The following TOM1L2 variants were observed in gnomAD, a reference collection of about 807,000 sequenced individuals.
TOM1L2 encodes the protein TOM1-like protein 2.
Under a neutral mutation model 67.9 loss-of-function variants are expected in TOM1L2, and 31 were observed. The observed-to-expected ratio is 0.46, with a 90% CI of 0.34 to 0.62. TOM1L2 has a LOEUF of 0.62. Ranked by LOEUF, TOM1L2 falls within the 20% of genes least tolerant of loss-of-function variation. The probability of loss-of-function intolerance (pLI) is 0.01; values close to 1 mark genes in which losing one functional copy is unlikely to be tolerated. For synonymous variants in TOM1L2, 256 were observed against 254.0 expected (o/e 1.01, Z -0.07); for missense variants, 606 against 663.5 (o/e 0.91, Z 0.95).
chr17:17,957,512 G>A (rs2041508660), intron 1 of TOM1L2, among the ~76,000 whole-genome samples: 1 of 152,046 alleles, frequency 6.6e-6, no homozygotes, highest in Non-Finnish European at 1.5e-5. Flanking sequence ...GATGGGGTAA[G>A]GTGACAACAT....
In TOM1L2 at chr17:17,866,434, G is replaced by A. The variant is rs370444624; in HGVS notation, c.961-15C>T. ...TCATTCAGTACCTGTCAGAACATGA[G>A]ATTGGCCATAAGCCCCAGAACCCTG... On this transcript the variant is annotated splice_polypyrimidine_tract_variant and intron_variant, in intron 9 of 14. Coordinates refer to ENST00000379504, the MANE Select transcript of TOM1L2 (RefSeq NM_001082968.2). 4.0e-5 allele frequency: 63 copies of A among 1,583,670 alleles called. No individual in the cohort carries two copies. The highest frequency in any genetic ancestry group is 5.1e-5 in the Non-Finnish European group (59 of 1,162,622).
At chr17:17,945,535 C>G (rs1377150248) in intron 1 of TOM1L2, among the ~76,000 whole-genome samples, 4 of 152,200 alleles carry the variant, frequency 2.6e-5, no homozygotes, top group African/African-American at 9.7e-5. Context: ...TAGACCCTCT[C>G]TTAGGGAGAC....
intron 4 of TOM1L2, among the ~76,000 whole-genome samples, chr17:17,888,745 G>A (rs2038118853): frequency 6.6e-6 from 1 of 152,204 alleles, no homozygotes; most frequent in East Asian, 1.9e-4. Flanking sequence ...TGACCACACT[G>A]AGGTGACTCT....
At chr17:17,900,573 G>A (rs1360855415) in intron 2 of TOM1L2, among the ~76,000 whole-genome samples, 1 of 150,392 alleles carries the variant, frequency 6.6e-6, no homozygotes, top group African/African-American at 2.4e-5. Flanking sequence ...TAAGGAGCAA[G>A]GCTACTAGAA....
chr17:17,952,269 T>C (rs966916526), intron 1 of TOM1L2, among the ~76,000 whole-genome samples: 1 of 151,904 alleles, frequency 6.6e-6, no homozygotes, highest in Admixed American at 6.5e-5. Flanking sequence ...CAAAAGAAAC[T>C]TCATGGAACA....
chr17:17,958,152 C>A (rs191390196), intron 1 of TOM1L2, among the ~76,000 whole-genome samples: 1 of 151,974 alleles, frequency 6.6e-6, no homozygotes, highest in Admixed American at 6.5e-5. Flanking sequence ...AGCTTTAGGT[C>A]TGAAATGAAC....
chr17:17,953,738 A>G (rs1598401372), intron 1 of TOM1L2, among the ~76,000 whole-genome samples: 1 of 152,240 alleles, frequency 6.6e-6, no homozygotes, highest in Non-Finnish European at 1.5e-5. Context: ...CTGGGTTTCA[A>G]TCCTGTTGGT....
At chr17:17,873,531 AGAG>A (rs1196894873) in intron 7 of TOM1L2, among the ~76,000 whole-genome samples, 2 of 152,334 alleles carry the variant, frequency 1.3e-5, no homozygotes, top group East Asian at 1.9e-4. Flanking sequence ...CACTGGATTT[AGAG>A]GAGAACCAAA....
rs775982045 is a variant in TOM1L2, at chr17:17,857,780, T to A, written c.1278+3696A>T. ...TGGTGACTCCTCACCATTCCTTGGG[T>A]TATAAGCCAGCTGTCTATGGGCTCC... On this transcript the variant is annotated intron_variant, in intron 12 of 14. Coordinates refer to ENST00000379504, the MANE Select transcript of TOM1L2 (RefSeq NM_001082968.2). 7 of 1,535,626 alleles carry A rather than the reference T, an allele frequency of 4.6e-6. No homozygotes were observed. The South Asian group carries it at 7.1e-5, about 16-fold the overall frequency.
chr17:17,849,869 C>T (rs2035861705), intron 13 of TOM1L2, among the ~76,000 whole-genome samples: 1 of 152,210 alleles, frequency 6.6e-6, no homozygotes, highest in Non-Finnish European at 1.5e-5. Flanking sequence ...GAAAGATGTC[C>T]CGGGGTGTGT....
chr17:17,861,661 C>T (rs2036566773), intron 11 of TOM1L2, 110 bp from the exon 12 acceptor site: 1 of 912,148 alleles, frequency 1.1e-6, no homozygotes, highest in African/African-American at 1.7e-5. Context: ...CTCAGATGTC[C>T]TTGGAAAAAC....
At chr17:17,868,547 G>T (rs2143825935) in intron 8 of TOM1L2, among the ~76,000 whole-genome samples, 1 of 152,328 alleles carries the variant, frequency 6.6e-6, no homozygotes, top group African/African-American at 2.4e-5. Context: ...TCATCTTTAA[G>T]GGGAAAAGGT....
rs60045046 is a variant in TOM1L2 at position 17,881,870 on chromosome 17, A to G, written c.660+835T>C. 2.2e-4 allele frequency among the ~76,000 whole-genome samples: 33 copies of G among 152,252 alleles called. 2 individuals carry two copies. In the East Asian group the frequency reaches 6.2e-3, roughly 29 times the overall value. ...CACACATTGCTATCCCTACACACAC[A>G]TTGCTTGACCCCTCTGCTTCAGTGA... On this transcript the variant is annotated intron_variant, in intron 6 of 14. Coordinates refer to ENST00000379504, the MANE Select transcript of TOM1L2 (RefSeq NM_001082968.2).
chr17:17,862,907 T>A, intron 10 of TOM1L2, 59 bp from the exon 11 acceptor site: 1 of 1,224,862 alleles, frequency 8.2e-7, no homozygotes, highest in South Asian at 1.3e-5. Flanking sequence ...GTAGATCTGA[T>A]GAAGGGCCCC....
At chr17:17,895,488 C>A (rs1349603165) in intron 3 of TOM1L2, among the ~76,000 whole-genome samples, 1 of 152,208 alleles carries the variant, frequency 6.6e-6, no homozygotes, top group Non-Finnish European at 1.5e-5. Flanking sequence ...TATGAGAGAT[C>A]CTTCCATAAC....
In TOM1L2 at chr17:17,847,405, T is replaced by G; in HGVS notation, c.*230A>C. ...GAGGAAACATGGGCAGAGGGGCCCA[T>G]GGTGGGAGGGGAGAGAGTCTCTGGC... On this transcript the variant is annotated 3_prime_UTR_variant, in exon 15 of 15. Coordinates refer to ENST00000379504, the MANE Select transcript of TOM1L2 (RefSeq NM_001082968.2). 1.6e-5 allele frequency: 9 copies of G among 574,516 alleles called. No homozygotes were observed. Among genetic ancestry groups the G allele is most frequent in the East Asian group, 3.2e-5 (1 of 31,364 alleles). The allele number at this position is 574,516 out of a possible 1,614,324, so 35.6% of individuals were successfully genotyped here. A position where few individuals can be genotyped will look rare whatever the true frequency, so the allele number is the denominator to read the frequency against.
At chr17:17,873,610 C>G (rs766120755) in intron 7 of TOM1L2, among the ~76,000 whole-genome samples, 1 of 152,194 alleles carries the variant, frequency 6.6e-6, no homozygotes, top group African/African-American at 2.4e-5. Context: ...CCAGCACCGG[C>G]GGCCTGATGG....
chr17:17,870,370 C>T lies in TOM1L2; in HGVS notation c.778-897G>A, dbSNP rs139707382. 5.9e-5 allele frequency among the ~76,000 whole-genome samples: 9 copies of T among 152,220 alleles called. No homozygotes were observed. In the East Asian group the frequency reaches 1.2e-3, roughly 20 times the overall value. ...TTGTTCAAACTTGCTTACAGAGCTCCGTCAATTCCTGCCAGGCCCCTTGCC... is the reference window on the plus strand; with the variant it reads ...TTGTTCAAACTTGCTTACAGAGCTCTGTCAATTCCTGCCAGGCCCCTTGCC... On this transcript the variant is annotated intron_variant, in intron 7 of 14. Transcript: ENST00000379504.
intron 1 of TOM1L2, among the ~76,000 whole-genome samples, chr17:17,921,973 G>A (rs1268992991): frequency 5.3e-5 from 8 of 151,994 alleles, no homozygotes; most frequent in African/African-American, 2.4e-5. Flanking sequence ...AGCTTCTCCC[G>A]ATGACAGAGA....
Sources: gnomAD v4.1 joint callset for allele counts (sites outside exome capture counted in the v4.1 genomes callset) on GRCh38, gnomAD v4.1.1 for gene constraint, MANE v1.5 for transcripts, NCBI Gene and HGNC (gene_info 2026-07-23, HGNC 2026-07-21) for gene names.